AUTS2: variants seen among roughly 807,000 people sequenced by gnomAD.
The protein encoded by AUTS2 is autism susceptibility gene 2 protein.
In AUTS2, 17 loss-of-function variants were observed where a neutral mutation model predicts 112.4. The ratio of observed to expected loss-of-function variants is 0.15; its 90% CI spans 0.10 to 0.23. The LOEUF is 0.23. Ranked by LOEUF, AUTS2 falls within the 10% of genes least tolerant of loss-of-function variation. AUTS2 has a pLI of 1.00. For missense variants in AUTS2, 1,510 were observed against 1,701.6 expected (o/e 0.89, Z 1.98); for synonymous variants, 751 against 702.7 (o/e 1.07, Z -1.09).
chr7:70,717,758 T>G (rs1295558550), intron 6 of AUTS2, among the ~76,000 whole-genome samples: 2 of 152,218 alleles, frequency 1.3e-5, no homozygotes, highest in African/African-American at 4.8e-5. Flanking sequence ...CCAGTCAGCC[T>G]CAGGGGCGGT....
At chr7:70,782,567 A>G (rs1398792517) in intron 15 of AUTS2, 1 of 152,218 alleles carries the variant, frequency 6.6e-6, no homozygotes, top group Non-Finnish European at 1.5e-5. Flanking sequence ...TGTCTTCTCT[A>G]AAGCTTTTTT....
intron 1 of AUTS2, among the ~76,000 whole-genome samples, chr7:69,739,796 A>C (rs990321150): frequency 6.6e-6 from 1 of 152,216 alleles, no homozygotes; most frequent in Non-Finnish European, 1.5e-5. Flanking sequence ...TTGACATAGT[A>C]TATGCAGTCT....
chr7:70,242,177 C>T (rs1263153157), intron 4 of AUTS2, among the ~76,000 whole-genome samples: 1 of 152,146 alleles, frequency 6.6e-6, no homozygotes, highest in Non-Finnish European at 1.5e-5. Flanking sequence ...GTTTCCACCT[C>T]AGGTGGTTGC....
chr7:70,590,538 A>G (rs1460999237), intron 5 of AUTS2, among the ~76,000 whole-genome samples: 2 of 152,178 alleles, frequency 1.3e-5, no homozygotes, highest in African/African-American at 4.8e-5. Context: ...TAGCATTGTT[A>G]GACTAGTAGG....
intron 5 of AUTS2, among the ~76,000 whole-genome samples, chr7:70,568,960 G>T (rs548760190): frequency 6.6e-6 from 1 of 152,214 alleles, no homozygotes; most frequent in South Asian, 2.1e-4. Flanking sequence ...ATGGTTCTTG[G>T]AAGAGTTGGT....
intron 4 of AUTS2, among the ~76,000 whole-genome samples, chr7:70,179,527 G>T (rs758121387): frequency 6.6e-6 from 1 of 152,144 alleles, no homozygotes; most frequent in Non-Finnish European, 1.5e-5. Flanking sequence ...TGTCCATCTG[G>T]ATTATTTCTG....
At position 70,791,152 on chromosome 7, in the gene AUTS2, A is replaced by G; in HGVS notation, c.*156A>G. On this transcript the variant is annotated 3_prime_UTR_variant, in exon 19 of 19. Transcript: ENST00000342771. ...TGTATAGACTCAGTGCACATTTTGA[A>G]ATGTTTTGTATATTATATGTTGAGA... 1 of 691,410 alleles carries G rather than the reference A, an allele frequency of 1.4e-6. No individual in the cohort carries two copies. Among genetic ancestry groups the G allele is most frequent in the Non-Finnish European group, 2.1e-6 (1 of 483,516 alleles). The allele number at this position is 691,410 out of a possible 1,614,324, so 42.8% of individuals were successfully genotyped here.
At chr7:70,607,397 T>C (rs1335997595) in intron 5 of AUTS2, among the ~76,000 whole-genome samples, 1 of 152,142 alleles carries the variant, frequency 6.6e-6, no homozygotes, top group Admixed American at 6.5e-5. Context: ...AGGTGTATGA[T>C]ACAGAGGATA....
intron 5 of AUTS2, among the ~76,000 whole-genome samples, chr7:70,648,224 G>C (rs555178586): frequency 6.6e-6 from 1 of 152,182 alleles, no homozygotes; most frequent in Non-Finnish European, 1.5e-5. Flanking sequence ...GTTACAGCTA[G>C]TGTCATAGTA....
chr7:69,686,962 A>G (rs1252555506), intron 1 of AUTS2, among the ~76,000 whole-genome samples: 2 of 152,238 alleles, frequency 1.3e-5, no homozygotes, highest in South Asian at 2.1e-4. Context: ...TAATTTTGTC[A>G]TACTTACCTT....
intron 2 of AUTS2, among the ~76,000 whole-genome samples, chr7:69,981,394 A>G (rs560267226): frequency 6.6e-6 from 1 of 152,338 alleles, no homozygotes; most frequent in South Asian, 2.1e-4. Context: ...GGTAGGATGT[A>G]TGTCATTTTT....
intron 2 of AUTS2, among the ~76,000 whole-genome samples, chr7:70,016,275 C>T (rs907072597): frequency 5.9e-5 from 9 of 151,962 alleles, no homozygotes; most frequent in South Asian, 2.1e-4. Flanking sequence ...TTTGACAGAC[C>T]GCAATATTCC....
intron 5 of AUTS2, among the ~76,000 whole-genome samples, chr7:70,468,080 G>A (rs534335300): frequency 4.9e-4 from 75 of 152,208 alleles, no homozygotes; most frequent in African/African-American, 1.8e-3. Context: ...GTTATTATGC[G>A]GTTGTTATTT....
At chr7:69,867,458 C>T (rs141980684) in intron 1 of AUTS2, among the ~76,000 whole-genome samples, 39 of 152,308 alleles carry the variant, frequency 2.6e-4, no homozygotes, top group African/African-American at 3.6e-4. Context: ...AAACTGCTCA[C>T]GTTCCTGAAC....
In AUTS2 at chr7:69,649,525, G is replaced by C. The variant is rs147262700; in HGVS notation, c.309+49563G>C. ...AGTCTCACTGTATGCTTTTTTTTTT[G>C]GCCTTTGGCGCTGTGAGCAGAGTCA... On this transcript the variant is annotated intron_variant, in intron 1 of 18. Coordinates refer to ENST00000342771, the MANE Select transcript of AUTS2 (RefSeq NM_015570.4). 3.9e-3 allele frequency among the ~76,000 whole-genome samples: 565 copies of C among 145,184 alleles called. 3 individuals carry two copies. The highest frequency in any genetic ancestry group is 0.011 in the Middle Eastern group (3 of 284).
At chr7:69,941,882 GGGTTATTATTTTT>G (rs1216393266) in intron 2 of AUTS2, among the ~76,000 whole-genome samples, 1 of 152,110 alleles carries the variant, frequency 6.6e-6, no homozygotes, top group Non-Finnish European at 1.5e-5. Context: ...TCCTGACTCA[GGGTTATTATTTTT>G]GGTTGCTTAT....
At chr7:70,450,352 A>G (rs1037534096) in intron 5 of AUTS2, among the ~76,000 whole-genome samples, 2 of 152,114 alleles carry the variant, frequency 1.3e-5, no homozygotes, top group Admixed American at 6.5e-5. Flanking sequence ...ACTGAGCCAT[A>G]CTCTGTAAGG....
chr7:69,888,540 G>GATGGAT (rs1554399178), intron 1 of AUTS2, among the ~76,000 whole-genome samples: 2 of 99,256 alleles, frequency 2.0e-5, no homozygotes, highest in African/African-American at 4.3e-5. Flanking sequence ...CAACATTGGG[G>GATGGAT]ATATATATAT....
At chr7:70,479,488 C>A (rs1335229781) in intron 5 of AUTS2, among the ~76,000 whole-genome samples, 1 of 152,224 alleles carries the variant, frequency 6.6e-6, no homozygotes, top group Non-Finnish European at 1.5e-5. Context: ...ACAGTGTCAA[C>A]CTCAAGCCCT....
Sources: gnomAD v4.1 joint callset for allele counts (sites outside exome capture counted in the v4.1 genomes callset) on GRCh38, gnomAD v4.1.1 for gene constraint, MANE v1.5 for transcripts, NCBI Gene and HGNC (gene_info 2026-07-23, HGNC 2026-07-21) for gene names.